Variants in LRIG2 observed in about 807,000 individuals in gnomAD.
LRIG2 encodes leucine-rich repeats and immunoglobulin-like domains protein 2.
A neutral mutation model predicts 107.8 loss-of-function variants in LRIG2; 93 were observed. The ratio of observed to expected loss-of-function variants is 0.86; its 90% CI spans 0.73 to 1.03. The LOEUF (loss-of-function observed/expected upper bound fraction) is 1.03. Ranked by LOEUF, LRIG2 falls within the 50% of genes least tolerant of loss-of-function variation. The pLI is 0.00. For missense variants in LRIG2, 1,226 were observed against 1,296.0 expected (o/e 0.95, Z 0.83); for synonymous variants, 471 against 470.6 (o/e 1.00, Z -0.01).
chr1:113,110,835 C>G (rs1052317170), intron 13 of LRIG2, among the ~76,000 whole-genome samples: 1 of 152,004 alleles, frequency 6.6e-6, no homozygotes, highest in Admixed American at 6.6e-5. Context: ...TGAAGACATT[C>G]TTATGAAATT....
At chr1:113,083,165 C>T (rs1316485653) in intron 1 of LRIG2, among the ~76,000 whole-genome samples, 2 of 151,864 alleles carry the variant, frequency 1.3e-5, no homozygotes, top group African/African-American at 4.8e-5. Context: ...CCTGCTTCAG[C>T]CTTCTAATTG....
At chr1:113,121,472 G>C (rs1473358125) in intron 17 of LRIG2, among the ~76,000 whole-genome samples, 1 of 151,932 alleles carries the variant, frequency 6.6e-6, no homozygotes, top group Non-Finnish European at 1.5e-5. Context: ...GGCTGGGCAT[G>C]GTGGCTCACG....
chr1:113,115,002 A>G (rs1654944317), intron 15 of LRIG2, 126 bp downstream of exon 15: 1 of 810,154 alleles, frequency 1.2e-6, no homozygotes, highest in Non-Finnish European at 1.9e-6. Flanking sequence ...CCAGCTACTC[A>G]GGAGGATGAG....
chr1:113,121,996 G>C (rs913134040), intron 17 of LRIG2, among the ~76,000 whole-genome samples: 1 of 150,392 alleles, frequency 6.6e-6, no homozygotes, highest in African/African-American at 2.4e-5. Flanking sequence ...AATTAATTTT[G>C]CATTTACTAC....
chr1:113,108,663 G>C (rs886749411), intron 12 of LRIG2, among the ~76,000 whole-genome samples: 1 of 151,724 alleles, frequency 6.6e-6, no homozygotes, highest in African/African-American at 2.4e-5. Context: ...GGTCATCTGG[G>C]GTCTGGAGTT....
rs367710977 is a variant in LRIG2 at position 113,116,388 on chromosome 1, C to T, written c.2632C>T (p.Gln878Ter). ...CAGCAACTCTGAGGCAGGCAGTCAT[C>T]AGCAACTTATGCCTCCTGCCAATGG... ...GYSNSEAGSH[Q>*]QLMPPANGYI... is the part of the protein sequence containing the mutation. The change falls in exon 16 of 18, where the codon CAG (glutamine) becomes TAG (stop). Residue 878 changes from glutamine to a stop codon, truncating the protein, a stop_gained. Transcript: ENST00000361127. LOFTEE classifies it high-confidence loss of function. 10 of 1,613,828 alleles carry T rather than the reference C, an allele frequency of 6.2e-6. No homozygotes were observed. The African/African-American group carries it at 1.2e-4, about 19-fold the overall frequency.
intron 15 of LRIG2, 91 bp from the exon 16 acceptor site, chr1:113,116,196 T>TA (rs1283991057): frequency 1.9e-6 from 2 of 1,072,386 alleles, no homozygotes; most frequent in African/African-American, 3.1e-5. Flanking sequence ...TTCTTGCTAA[T>TA]AGTATCAAAG....
intron 11 of LRIG2, among the ~76,000 whole-genome samples, chr1:113,104,921 G>T (rs1195314742): frequency 3.3e-5 from 5 of 152,110 alleles, no homozygotes; most frequent in African/African-American, 9.7e-5. Flanking sequence ...GCCGAGGCGG[G>T]CAGATCACGA....
chr1:113,078,715 A>G (rs1653108441), intron 1 of LRIG2, among the ~76,000 whole-genome samples: 1 of 148,672 alleles, frequency 6.7e-6, no homozygotes, highest in South Asian at 2.1e-4. Flanking sequence ...GTCTCAGCTC[A>G]CTGCAACCTC....
intron 11 of LRIG2, among the ~76,000 whole-genome samples, chr1:113,105,445 A>G (rs1275311303): frequency 6.6e-6 from 1 of 152,192 alleles, no homozygotes; most frequent in African/African-American, 2.4e-5. Context: ...TATAACTTTA[A>G]TGGAAAGTAT....
chr1:113,115,805 C>T (rs1174724901), intron 15 of LRIG2, among the ~76,000 whole-genome samples: 3 of 152,196 alleles, frequency 2.0e-5, no homozygotes, highest in Non-Finnish European at 2.9e-5. Context: ...GGATTACAAG[C>T]GTGAGCCACC....
Position 113,110,534 on chromosome 1 carries a change from T to A in LRIG2, c.1770T>A (p.Tyr590Ter). The change falls in exon 13 of 18, where the codon TAT becomes TAA. Residue 590 changes from tyrosine (Y) to a stop codon, truncating the protein, a stop_gained. Coordinates refer to ENST00000361127, the MANE Select transcript of LRIG2 (RefSeq NM_014813.3). LOFTEE classifies it high-confidence loss of function. ...CIVTNHFGSN[Y>*]SQKAKLTVNE... ...TTACTAATCACTTTGGTTCTAATTA[T>A]TCTCAGAAAGCCAAACTGACTGTAA... 6.2e-7 allele frequency: 1 copy of A among 1,609,902 alleles called. No individual in the cohort carries two copies. Among genetic ancestry groups the A allele is most frequent in the South Asian group, 1.1e-5 (1 of 90,854 alleles).
intron 1 of LRIG2, among the ~76,000 whole-genome samples, chr1:113,079,738 ATCT>A (rs1466810305): frequency 1.3e-5 from 2 of 148,384 alleles, no homozygotes; most frequent in South Asian, 2.1e-4. Context: ...ATCAGGAGAA[ATCT>A]TTTTTTTTTT....
At chr1:113,077,947 C>G (rs1653064303) in intron 1 of LRIG2, among the ~76,000 whole-genome samples, 1 of 140,094 alleles carries the variant, frequency 7.1e-6, no homozygotes, top group South Asian at 2.2e-4. Context: ...CATGTGTTCT[C>G]ATTGTTCATT....
chr1:113,087,537 C>T (rs976346114), intron 1 of LRIG2, among the ~76,000 whole-genome samples: 2 of 151,994 alleles, frequency 1.3e-5, no homozygotes, highest in Non-Finnish European at 2.9e-5. Flanking sequence ...TTTGTAGAGA[C>T]GGGGTTTCAC....
intron 12 of LRIG2, among the ~76,000 whole-genome samples, chr1:113,109,253 G>T (rs1654669497): frequency 6.6e-6 from 1 of 152,164 alleles, no homozygotes; most frequent in South Asian, 2.1e-4. Flanking sequence ...GTTATCCAGT[G>T]GAGATACTGG....
intron 1 of LRIG2, among the ~76,000 whole-genome samples, chr1:113,079,820 C>G (rs1283077215): frequency 3.4e-5 from 5 of 147,690 alleles, no homozygotes; most frequent in Admixed American, 6.8e-5. Flanking sequence ...CGGCTCACTG[C>G]CACCCGAGTT....
chr1:113,090,290 A>G (rs1387862787), intron 1 of LRIG2, among the ~76,000 whole-genome samples: 1 of 152,190 alleles, frequency 6.6e-6, no homozygotes, highest in African/African-American at 2.4e-5. Context: ...AATAAATGGC[A>G]TATTTTCATT....
Position 113,112,480 on chromosome 1 carries a change from G to A in LRIG2, c.1800G>A (p.Glu600=). Residue 600 remains glutamate, a splice_region_variant and synonymous_variant, in exon 14 of 18, where the codon GAG becomes GAA. Transcript: ENST00000361127. ...TCTTGGTGATTTTTCTGGAAACAGA[G>A]ATGCCATCTTTTCTGAAAACGCCAA... ...YSQKAKLTVN[E]MPSFLKTPMD... is the part of the protein sequence containing the mutation. 3.1e-6 allele frequency: 5 copies of A among 1,596,682 alleles called. No homozygotes were observed. Among genetic ancestry groups the A allele is most frequent in the Non-Finnish European group, 4.3e-6 (5 of 1,166,852 alleles).
Sources: allele counts gnomAD v4.1 joint callset (sites outside exome capture counted in the v4.1 genomes callset), GRCh38; gene constraint gnomAD v4.1.1; transcripts MANE v1.5; gene names NCBI Gene and HGNC (gene_info 2026-07-23, HGNC 2026-07-21).